Variants in ENGASE observed in about 807,000 individuals in gnomAD.
ENGASE encodes the protein endo-beta-N-acetylglucosaminidase, also known as cytosolic endo-beta-N-acetylglucosaminidase.
In ENGASE, 69 loss-of-function variants were observed where a neutral mutation model predicts 78.5. The observed-to-expected ratio is 0.88, with a 90% confidence interval of 0.72 to 1.07. The LOEUF is 1.07. Among genes scored for constraint, ENGASE ranks in the 50% least tolerant of loss-of-function variants. The pLI is 0.00. For missense variants in ENGASE, 943 were observed against 988.4 expected, an observed-to-expected ratio of 0.95 and a Z score of 0.62; for synonymous variants, 408 against 408.9, an observed-to-expected ratio of 1.00 and a Z score of 0.03.
At position 79,083,793 on chromosome 17, in the gene ENGASE, C is replaced by A; in HGVS notation, c.1284C>A (p.Ser428Arg). ...CGGTAGGGCCCTGGTACCACCTGAG[C>A]GCCCAGGAGATCCAGCCCTTGTTTG... The part of the protein sequence containing the change: ...EEAVGPWYHL[S>R]AQEIQPLFGE... The change falls in exon 10 of 14, where the codon AGC becomes AGA. Residue 428 changes from serine (S) to arginine (R), a missense_variant. Ser to Arg is a moderately radical substitution (Grantham distance 110). Transcript: ENST00000579016. This position sits in a 1 kb window ranked among gnomAD's most constrained non-coding sequence, Gnocchi z 4.9. The A allele has an allele frequency of 6.2e-7, 1 of 1,611,932 alleles. No homozygotes were observed. The highest frequency in any genetic ancestry group is 8.5e-7 in the Non-Finnish European group (1 of 1,179,230).
At chr17:79,080,486 C>T (rs1248857536) in intron 5 of ENGASE, 122 bp downstream of exon 5, 3 of 1,119,592 alleles carry the variant, frequency 2.7e-6, no homozygotes, top group South Asian at 1.4e-5. Context: ...CAGTAAGAGC[C>T]ACTTCTCGCC....
Position 79,080,776 on chromosome 17 carries a change from G to A in ENGASE, c.724-149G>A, listed in dbSNP as rs187595281. The stretch of plus-strand genomic sequence containing the variant: ...GTCTGTTTGGCTGGACTCCACTTGC[G>A]GGGCTGTGGCGGGGAGGGCCTTTCA... On this transcript the variant is annotated intron_variant, in intron 5 of 13. Coordinates refer to ENST00000579016, the MANE Select transcript of ENGASE (RefSeq NM_001042573.3). 5.2e-5 allele frequency: 55 copies of A among 1,049,126 alleles called. No individual in the cohort carries two copies. The highest frequency in any genetic ancestry group is 6.4e-4 in the Middle Eastern group (2 of 3,148). 65.0% of individuals were successfully genotyped at this position (1,049,126 alleles called of 1,614,324 possible).
In ENGASE at chr17:79,080,296, C is replaced by T. The variant is rs780817094; in HGVS notation, c.655C>T (p.Arg219Trp). Residue 219 changes from arginine (R) to tryptophan (W), a missense_variant, in exon 5 of 14, where the codon CGG becomes TGG. Physicochemically the swap from Arg to Trp is moderately radical, Grantham distance 101 (BLOSUM62 -3). Coordinates refer to ENST00000579016, the MANE Select transcript of ENGASE (RefSeq NM_001042573.3). ...GCGCTCGTACCAGGCAGTGGCTGAC[C>T]GGCTGGTCCAGATCACTCAGTTTTT... is the stretch of plus-strand genomic sequence containing the variant. Reference protein sequence around the residue: ...DERSYQAVADRLVQITQFFRF... With the variant: ...DERSYQAVADWLVQITQFFRF... The T allele has an allele frequency of 1.5e-5, 24 of 1,613,940 alleles. No homozygotes were observed. The East Asian group carries it at 2.5e-4, about 16-fold the overall frequency.
At chr17:79,084,814 C>A in intron 11 of ENGASE, 128 bp downstream of exon 11, 1 of 1,055,298 alleles carries the variant, frequency 9.5e-7, no homozygotes, top group East Asian at 2.5e-5. Flanking sequence ...CTGCCTTTGC[C>A]GGAGTCAGGG....
Position 79,083,361 on chromosome 17 carries a change from C to T in ENGASE, c.1143-121C>T. Reference sequence around the variant, plus strand: ...CTGTAGACGGGGAGGCTGCAGTCCTCCTGGAAGTCCTGTCTTGGAGGGTGC... The same window carrying T: ...CTGTAGACGGGGAGGCTGCAGTCCTTCTGGAAGTCCTGTCTTGGAGGGTGC... On this transcript the variant is annotated intron_variant, in intron 8 of 13. Coordinates refer to ENST00000579016, the MANE Select transcript of ENGASE (RefSeq NM_001042573.3). This position sits in a 1 kb window ranked among gnomAD's most constrained non-coding sequence, Gnocchi z 4.9. 2.6e-6 allele frequency: 2 copies of T among 766,544 alleles called. No individual in the cohort carries two copies. Among genetic ancestry groups the T allele is most frequent in the East Asian group, 2.7e-5 (1 of 37,092 alleles). 47.5% of individuals were successfully genotyped at this position (766,544 alleles called of 1,614,324 possible).
chr17:79,086,096 G>A lies in ENGASE; in HGVS notation c.1979G>A (p.Cys660Tyr), dbSNP rs2073297336. ...TCCTTCCTCCTCTCACAAGTCCGTT[G>A]CTTCCGAATCCACTGCTGGGGAGGG... ...HWSFLLSQVRCFRIHCWGGMS... is the reference protein window; with the variant it reads ...HWSFLLSQVRYFRIHCWGGMS... The change falls in exon 14 of 14, where the codon TGC becomes TAC. Residue 660 changes from cysteine to tyrosine, a missense_variant. Transcript: ENST00000579016. The A allele has an allele frequency of 6.2e-7, 1 of 1,613,662 alleles. No individual in the cohort carries two copies. Among genetic ancestry groups the A allele is most frequent in the Non-Finnish European group, 8.5e-7 (1 of 1,180,036 alleles).
At position 79,083,454 on chromosome 17, in the gene ENGASE, C is replaced by A; in HGVS notation, c.1143-28C>A. On this transcript the variant is annotated intron_variant, in intron 8 of 13. Transcript: ENST00000579016. The surrounding 1 kb of genome is among the most constrained non-coding windows in gnomAD (Gnocchi z 4.9). Reference sequence around the variant, plus strand: ...AGAGGCTCCCTCCCTTCCTCCGGACCGAGCTGTTGCCCCCATGTCTCTGGC... The same window carrying A: ...AGAGGCTCCCTCCCTTCCTCCGGACAGAGCTGTTGCCCCCATGTCTCTGGC... 2 of 1,564,776 alleles carry A rather than the reference C, an allele frequency of 1.3e-6. No homozygotes were observed. The highest frequency in any genetic ancestry group is 1.4e-5 in the African/African-American group (1 of 73,728).
At position 79,086,110 on chromosome 17, in the gene ENGASE, T is replaced by C. The variant is rs751973537; in HGVS notation, c.1993T>C (p.Cys665Arg). The C allele has an allele frequency of 1.9e-6, 3 of 1,613,582 alleles. No individual in the cohort carries two copies. Among genetic ancestry groups the C allele is most frequent in the Non-Finnish European group, 2.5e-6 (3 of 1,180,034 alleles). The change falls in exon 14 of 14, where the codon TGC becomes CGC. Residue 665 changes from cysteine (C) to arginine (R), a missense_variant. Physicochemically the swap from Cys to Arg is radical, Grantham distance 180 (BLOSUM62 -3). Transcript: ENST00000579016. ...ACAAGTCCGTTGCTTCCGAATCCAC[T>C]GCTGGGGAGGGATGAGTGATGACTC... Reference protein sequence around the residue: ...LSQVRCFRIHCWGGMSDDSPG... With the variant: ...LSQVRCFRIHRWGGMSDDSPG...
rs769840808 is a variant in ENGASE at position 79,080,298 on chromosome 17, G to A, written c.657G>A (p.Arg219=). The part of the protein sequence containing the change: ...DERSYQAVAD[R]LVQITQFFRF... ...GCTCGTACCAGGCAGTGGCTGACCG[G>A]CTGGTCCAGATCACTCAGTTTTTTC... The change falls in exon 5 of 14, where the codon CGG becomes CGA. Residue 219 remains arginine, a synonymous_variant. Transcript: ENST00000579016. 2.5e-6 allele frequency: 4 copies of A among 1,613,948 alleles called. No homozygotes were observed. The highest frequency in any genetic ancestry group is 1.3e-5 in the African/African-American group (1 of 75,056).
rs1475474872 is a variant in ENGASE, at chr17:79,074,857, G to A, written c.-88G>A. 9.1e-6 allele frequency: 11 copies of A among 1,211,452 alleles called. No homozygotes were observed. The highest frequency in any genetic ancestry group is 1.0e-5 in the Non-Finnish European group (10 of 973,544). The allele number at this position is 1,211,452 out of a possible 1,614,324, so 75.0% of individuals were successfully genotyped here. On this transcript the variant is annotated 5_prime_UTR_variant, in exon 1 of 14. Transcript: ENST00000579016. ...GCTCGGAGTCCCGTCCCAGCGCGGC[G>A]TCAGCGCTGCGCACTTCCCATTGGC...
chr17:79,078,622 G>T (rs2073028895), intron 3 of ENGASE, among the ~76,000 whole-genome samples: 1 of 152,236 alleles, frequency 6.6e-6, no homozygotes, highest in Non-Finnish European at 1.5e-5. Context: ...CCCACCCCAG[G>T]TGCAGACGTC....
rs1487728854 is a variant in ENGASE, at chr17:79,079,766, G to A, written c.565+129G>A. 5.7e-6 allele frequency: 7 copies of A among 1,223,412 alleles called. No homozygotes were observed. The South Asian group carries it at 7.7e-5, about 13-fold the overall frequency. The allele number at this position is 1,223,412 out of a possible 1,614,324, so 75.8% of individuals were successfully genotyped here. On this transcript the variant is annotated intron_variant, in intron 4 of 13. Transcript: ENST00000579016. ...AGAGCCCCTCGCTGGGGGCCGCCTT[G>A]GTCGGCTAGGACAGGCAGCTGCAGG...
intron 1 of ENGASE, chr17:79,075,835 A>T: frequency 1.0e-6 from 1 of 985,450 alleles, no homozygotes; most frequent in African/African-American, 1.7e-5. Flanking sequence ...ATTTTTGGAC[A>T]GGAGGAATGT....
At position 79,080,910 on chromosome 17, in the gene ENGASE, G is replaced by C. The variant is rs1308492020; in HGVS notation, c.724-15G>C. ...TGGGGCTCACTGAGGCTCTCACCTT[G>C]TTCTTCTCTTTCAGCTGGCCGCTGT... On this transcript the variant is annotated splice_polypyrimidine_tract_variant and intron_variant, in intron 5 of 13. Coordinates refer to ENST00000579016, the MANE Select transcript of ENGASE (RefSeq NM_001042573.3). 1 of 1,606,300 alleles carries C rather than the reference G, an allele frequency of 6.2e-7. No homozygotes were observed. Among genetic ancestry groups the C allele is most frequent in the Non-Finnish European group, 8.5e-7 (1 of 1,175,270 alleles).
intron 4 of ENGASE, 149 bp from the exon 5 acceptor site, chr17:79,080,058 G>A: frequency 5.0e-6 from 4 of 796,110 alleles, no homozygotes; most frequent in Middle Eastern, 3.4e-4. Context: ...CTGGCAGAGT[G>A]TCTGATTCAC....
chr17:79,086,566 C>T lies in ENGASE; in HGVS notation c.*217C>T, dbSNP rs1225354339. On this transcript the variant is annotated 3_prime_UTR_variant, in exon 14 of 14. Coordinates refer to ENST00000579016, the MANE Select transcript of ENGASE (RefSeq NM_001042573.3). ...AGTGGGATCGCAGCGTTGGTCACTG[C>T]GAGGCGAGTGGCGGGCTTTCTGTTT... The T allele has an allele frequency of 1.3e-5, 8 of 603,458 alleles. No homozygotes were observed. Among genetic ancestry groups the T allele is most frequent in the Non-Finnish European group, 1.7e-5 (6 of 346,516 alleles). 37.4% of individuals were successfully genotyped at this position (603,458 alleles called of 1,614,324 possible).
In ENGASE at chr17:79,086,202, C is replaced by G. The variant is rs764989430; in HGVS notation, c.2085C>G (p.Tyr695Ter). The change falls in exon 14 of 14, where the codon TAC becomes TAG. Residue 695 changes from tyrosine (Y) to a stop codon, truncating the protein, a stop_gained. Transcript: ENST00000579016. LOFTEE classifies it low-confidence loss of function (END_TRUNC). ...MFLGLAFATQYRIVDLLVEAA... is the reference protein window; with the variant it reads ...MFLGLAFATQ ...TGGGGTTGGCTTTTGCCACCCAGTACCGGATAGTGGACCTGCTGGTGGAAG... is the reference window on the plus strand; with the variant it reads ...TGGGGTTGGCTTTTGCCACCCAGTAGCGGATAGTGGACCTGCTGGTGGAAG... 6.2e-7 allele frequency: 1 copy of G among 1,613,596 alleles called. No homozygotes were observed. The highest frequency in any genetic ancestry group is 2.2e-5 in the East Asian group (1 of 44,876).
chr17:79,077,392 G>A (rs2072993093), intron 1 of ENGASE, 38 bp from the exon 2 acceptor site: 1 of 1,582,158 alleles, frequency 6.3e-7, no homozygotes, highest in South Asian at 1.2e-5. Context: ...ACCTATTTAT[G>A]TTTTTATTTA....
At position 79,084,792 on chromosome 17, in the gene ENGASE, G is replaced by T. The variant is rs116065330; in HGVS notation, c.1591+106G>T. Reference sequence around the variant, plus strand: ...TGGGGAGGAGCTGGTGTGGACAGTGGGGGGGTACATCCTGCCTTTGCCGGA... The same window carrying T: ...TGGGGAGGAGCTGGTGTGGACAGTGTGGGGGTACATCCTGCCTTTGCCGGA... On this transcript the variant is annotated intron_variant, in intron 11 of 13. Transcript: ENST00000579016. The T allele has an allele frequency of 1.2e-3, 1,504 of 1,278,492 alleles. 11 individuals carry two copies. The African/African-American group carries it at 0.02, about 17-fold the overall frequency. 79.2% of individuals were successfully genotyped at this position (1,278,492 alleles called of 1,614,324 possible).
Sources: gnomAD v4.1 joint callset for allele counts (sites outside exome capture counted in the v4.1 genomes callset) on GRCh38, gnomAD v4.1.1 for gene constraint, Gnocchi (gnomAD v3.1) non-coding constraint, MANE v1.5 for transcripts, NCBI Gene and HGNC (gene_info 2026-07-23, HGNC 2026-07-21) for gene names.